ATAD2B: variants seen among roughly 807,000 people sequenced by gnomAD.
ATAD2B encodes the protein ATPase family AAA domain containing 2B.
ATAD2B carries 40 observed loss-of-function variants against 167.6 expected under a neutral mutation model. The observed-to-expected ratio is 0.24, with a 90% CI of 0.19 to 0.31. ATAD2B has a LOEUF of 0.31. Ranked by LOEUF, ATAD2B falls within the 10% of genes least tolerant of loss-of-function variation. ATAD2B has a pLI of 1.00. For missense variants in ATAD2B, 1,242 were observed against 1,757.2 expected, an observed-to-expected ratio of 0.71 and a Z score of 5.24; for synonymous variants, 579 against 596.5, an observed-to-expected ratio of 0.97 and a Z score of 0.43.
intron 10 of ATAD2B, among the ~76,000 whole-genome samples, chr2:23,866,910 A>T (rs1372449481): frequency 1.3e-5 from 2 of 152,198 alleles, no homozygotes; most frequent in Admixed American, 6.5e-5. Flanking sequence ...CCCCAAAATA[A>T]GATACTACTA....
intron 3 of ATAD2B, 143 bp downstream of exon 3, chr2:23,888,207 C>CT (rs202104654): frequency 1.9e-4 from 137 of 723,796 alleles, no homozygotes; most frequent in Non-Finnish European, 2.3e-4. Flanking sequence ...CAATTACATA[C>CT]TTTTTTTACT....
the ATAD2B span, among the ~76,000 whole-genome samples, chr2:23,679,911 G>A: frequency 6.7e-4 from 102 of 152,102 alleles, 1 homozygote; most frequent in South Asian, 3.3e-3. Flanking sequence ...CGGAGGGGAC[G>A]GAGACTTGGA....
intron 27 of ATAD2B, 95 bp downstream of exon 27, chr2:23,754,084 G>T: frequency 2.0e-6 from 2 of 992,678 alleles, no homozygotes; most frequent in Non-Finnish European, 1.4e-6. Context: ...CTTGGTAAAA[G>T]ACATAGATGT....
At chr2:23,692,397 A>G in the ATAD2B span, among the ~76,000 whole-genome samples, 1 of 152,212 alleles carries the variant, frequency 6.6e-6, no homozygotes, top group Admixed American at 6.5e-5. Flanking sequence ...GACCCGAACA[A>G]CATGCTGCCT....
chr2:23,728,499 TAGG>T, the ATAD2B span, among the ~76,000 whole-genome samples: 2 of 152,158 alleles, frequency 1.3e-5, no homozygotes, highest in African/African-American at 4.8e-5. Flanking sequence ...TCAACAAAGA[TAGG>T]AGGAACCTTA....
At chr2:23,870,918 C>T (rs541182659) in intron 8 of ATAD2B, among the ~76,000 whole-genome samples, 1 of 152,148 alleles carries the variant, frequency 6.6e-6, no homozygotes, top group South Asian at 2.1e-4. Context: ...AAAAATAATA[C>T]TTAATGAATG....
chr2:23,751,738 G>A lies in ATAD2B; in HGVS notation c.*308C>T, dbSNP rs1026226257. On this transcript the variant is annotated 3_prime_UTR_variant, in exon 28 of 28. Transcript: ENST00000238789. ...CTCCCTAAGAGAGGAGTCTCCAAAA[G>A]AGAGTGCACAAAAAGAGGAGCAGAA... The A allele has an allele frequency of 2.7e-5, 10 of 374,784 alleles. No individual in the cohort carries two copies. Among genetic ancestry groups the A allele is most frequent in the East Asian group, 6.0e-5 (1 of 16,722 alleles). The allele number at this position is 374,784 out of a possible 1,614,324, so 23.2% of individuals were successfully genotyped here.
the ATAD2B span, among the ~76,000 whole-genome samples, chr2:23,737,717 A>G: frequency 0.039 from 5,974 of 152,362 alleles, 115 homozygotes; most frequent in Admixed American, 0.046. Flanking sequence ...TGACAAGTTG[A>G]GAGAAGAAGG....
At chr2:23,765,274 T>C (rs1029566227) in intron 23 of ATAD2B, among the ~76,000 whole-genome samples, 1 of 152,214 alleles carries the variant, frequency 6.6e-6, no homozygotes, top group African/African-American at 2.4e-5. Context: ...CAAATTTCAA[T>C]AAGAAACACT....
At chr2:23,898,167 T>C (rs1229648423) in intron 1 of ATAD2B, among the ~76,000 whole-genome samples, 1 of 152,158 alleles carries the variant, frequency 6.6e-6, no homozygotes, top group Non-Finnish European at 1.5e-5. Flanking sequence ...GGTTTCAAAC[T>C]CCTGGCCTCA....
At chr2:23,695,563 C>T in the ATAD2B span, 32 of 1,206,586 alleles carry the variant, frequency 2.7e-5, no homozygotes, top group Non-Finnish European at 3.5e-5. The surrounding 1 kb of genome is among the most constrained non-coding windows in gnomAD (Gnocchi z 7.6). Context: ...CATTTCTTTC[C>T]GTCCGGGAGG....
intron 1 of ATAD2B, among the ~76,000 whole-genome samples, chr2:23,913,640 G>GA (rs1425105055): frequency 0.24 from 22,226 of 94,572 alleles, 1,910 homozygotes; most frequent in Middle Eastern, 0.42. Flanking sequence ...ACTCTCTTGA[G>GA]AAAAAAAAAA....
chr2:23,725,425 G>A, the ATAD2B span, among the ~76,000 whole-genome samples: 1 of 152,136 alleles, frequency 6.6e-6, no homozygotes, highest in African/African-American at 2.4e-5. Flanking sequence ...TACCCTTTAA[G>A]TTCTTAAAAA....
At chr2:23,872,313 G>T (rs1696116313) in intron 8 of ATAD2B, 1 of 554,614 alleles carries the variant, frequency 1.8e-6, no homozygotes, top group Admixed American at 2.1e-5. Context: ...CATCCCCCAG[G>T]AACTGCATGC....
the ATAD2B span, chr2:23,696,477 G>A: frequency 6.5e-7 from 1 of 1,544,474 alleles, no homozygotes; most frequent in Non-Finnish European, 8.7e-7. This position sits in a 1 kb window ranked among gnomAD's most constrained non-coding sequence, Gnocchi z 5.5. Flanking sequence ...ACCCTCGGGG[G>A]ACTTGGCGTG....
chr2:23,743,597 G>C, the ATAD2B span, among the ~76,000 whole-genome samples: 1 of 151,082 alleles, frequency 6.6e-6, no homozygotes, highest in Admixed American at 6.6e-5. Flanking sequence ...GAGTTGGATT[G>C]CTGGGGATGA....
rs111830547 is a variant in ATAD2B, at chr2:23,847,644, A to T, written c.1568+9771T>A. ...CTACAGCCTTGGTGAAGGGAATGAG[A>T]CGCTGTCTCAAAAACAAAGCTGTTT... On this transcript the variant is annotated intron_variant, in intron 13 of 27. Transcript: ENST00000238789. Among the ~76,000 whole-genome samples, 1,023 of 151,424 alleles carry T rather than the reference A, an allele frequency of 6.8e-3. 13 individuals are homozygous for T. Among genetic ancestry groups the T allele is most frequent in the African/African-American group, 0.022 (916 of 41,216 alleles).
chr2:23,806,455 ACTTT>A (rs1487831697), intron 18 of ATAD2B, among the ~76,000 whole-genome samples: 5 of 152,166 alleles, frequency 3.3e-5, no homozygotes, highest in African/African-American at 1.2e-4. Flanking sequence ...GCACAGGCAT[ACTTT>A]CTTTATTACT....
chr2:23,705,229 A>G, the ATAD2B span, among the ~76,000 whole-genome samples: 1 of 152,230 alleles, frequency 6.6e-6, no homozygotes, highest in Non-Finnish European at 1.5e-5. Context: ...ACAGTGGCTC[A>G]CGCCTGTAAT....
Sources: allele counts gnomAD v4.1 joint callset (sites outside exome capture counted in the v4.1 genomes callset), GRCh38; gene constraint gnomAD v4.1.1; non-coding constraint Gnocchi (gnomAD v3.1); transcripts MANE v1.5; gene names NCBI Gene and HGNC (gene_info 2026-07-23, HGNC 2026-07-21).